AFF3: variants seen among roughly 807,000 people sequenced by gnomAD.
AFF3 encodes ALF transcription elongation factor 3.
A neutral mutation model predicts 129.7 loss-of-function variants in AFF3; 32 were observed. The ratio of observed to expected loss-of-function variants is 0.25; its 90% confidence interval spans 0.19 to 0.33. AFF3 has a LOEUF of 0.33. AFF3 is among the 10% of genes least tolerant of loss of function. The pLI, the probability that AFF3 is intolerant of heterozygous loss-of-function variation, is 1.00. For missense variants in AFF3, 1,373 were observed against 1,592.0 expected, an observed-to-expected ratio of 0.86 and a Z score of 2.34; for synonymous variants, 644 against 635.4, an observed-to-expected ratio of 1.01 and a Z score of -0.20.
chr2:99,884,770 C>T (rs1249266806), intron 7 of AFF3, among the ~76,000 whole-genome samples: 1 of 151,888 alleles, frequency 6.6e-6, no homozygotes, highest in Non-Finnish European at 1.5e-5. Context: ...TACCACTCAT[C>T]CAACAATTTT....
chr2:99,646,089 T>C (rs1684662762), intron 13 of AFF3, among the ~76,000 whole-genome samples: 1 of 152,196 alleles, frequency 6.6e-6, no homozygotes, highest in African/African-American at 2.4e-5. Context: ...AAAACTGGCT[T>C]CCTACAGTGT....
intron 8 of AFF3, among the ~76,000 whole-genome samples, chr2:99,831,553 G>A (rs1052478078): frequency 6.6e-6 from 1 of 152,146 alleles, no homozygotes; most frequent in African/African-American, 2.4e-5. Context: ...TAGATACTAT[G>A]ATTTGACATG....
rs752210848 is a variant in AFF3 at position 99,611,652 on chromosome 2, C to T, written c.1185-10031G>A. Among the ~76,000 whole-genome samples, 59 of 152,078 alleles carry T rather than the reference C, an allele frequency of 3.9e-4. No homozygotes were observed. The Middle Eastern group carries it at 0.017, about 44-fold the overall frequency. On this transcript the variant is annotated intron_variant, in intron 13 of 24. Transcript: ENST00000672756. ...TGTAATCCCAACACACTGGGGAGGC[C>T]GAGGCTGGTGGATCACTTGAGGTCA...
At chr2:99,731,704 T>C (rs1035524048) in intron 10 of AFF3, among the ~76,000 whole-genome samples, 4 of 152,178 alleles carry the variant, frequency 2.6e-5, no homozygotes, top group Admixed American at 2.6e-4. Flanking sequence ...ATTGTGACAA[T>C]ATAAATATTA....
chr2:99,892,662 C>T lies in AFF3; in HGVS notation c.874-55138G>A, dbSNP rs187881611. Among the ~76,000 whole-genome samples, 415 of 152,282 alleles carry T rather than the reference C, an allele frequency of 2.7e-3. 6 individuals are homozygous for T. Among genetic ancestry groups the T allele is most frequent in the South Asian group, 2.5e-3 (12 of 4,816 alleles). ...GCTCCTTCTACTCGCATTCCCTCCC[C>T]AGCAACACCTGCCCTGGACGGCAGT... On this transcript the variant is annotated intron_variant, in intron 7 of 24. Transcript: ENST00000672756.
At chr2:99,602,310 G>A (rs529669228) in intron 13 of AFF3, among the ~76,000 whole-genome samples, 4 of 152,200 alleles carry the variant, frequency 2.6e-5, no homozygotes, top group African/African-American at 9.6e-5. Context: ...ACACACTTTC[G>A]TATATTCCGG....
At chr2:100,000,336 A>C (rs535362769) in intron 7 of AFF3, among the ~76,000 whole-genome samples, 20 of 152,176 alleles carry the variant, frequency 1.3e-4, no homozygotes, top group Non-Finnish European at 2.6e-4. Context: ...AAAGAGAGAA[A>C]AGGTGATCTC....
intron 8 of AFF3, among the ~76,000 whole-genome samples, chr2:99,765,381 T>C (rs1221453268): frequency 6.6e-6 from 1 of 152,148 alleles, no homozygotes; most frequent in Non-Finnish European, 1.5e-5. Flanking sequence ...AATTTGGAAA[T>C]GTGCATTCAA....
At chr2:99,988,737 C>T (rs778056240) in intron 7 of AFF3, among the ~76,000 whole-genome samples, 6 of 152,088 alleles carry the variant, frequency 3.9e-5, no homozygotes, top group Non-Finnish European at 7.4e-5. Context: ...TGACATCCCT[C>T]GGCACTGGGT....
chr2:99,665,217 G>T (rs148129068), intron 12 of AFF3, among the ~76,000 whole-genome samples: 1 of 152,244 alleles, frequency 6.6e-6, no homozygotes, highest in Non-Finnish European at 1.5e-5. Flanking sequence ...TAAGATTTTA[G>T]ACCAAGGAAT....
chr2:99,841,226 A>G (rs1219317871), intron 7 of AFF3, among the ~76,000 whole-genome samples: 1 of 152,222 alleles, frequency 6.6e-6, no homozygotes, highest in Admixed American at 6.5e-5. Context: ...TTATAATCCT[A>G]TACATTTCAA....
At chr2:99,905,239 G>A (rs948978114) in intron 7 of AFF3, among the ~76,000 whole-genome samples, 4 of 152,310 alleles carry the variant, frequency 2.6e-5, no homozygotes, top group Admixed American at 6.5e-5. Context: ...TGGAGCCCAC[G>A]TCTTCACAGA....
intron 8 of AFF3, among the ~76,000 whole-genome samples, chr2:99,799,689 G>A (rs777825461): frequency 4.6e-5 from 7 of 151,938 alleles, no homozygotes; most frequent in Admixed American, 2.6e-4. Context: ...GAATAAAATC[G>A]AAAGATTATA....
At chr2:99,985,752 A>AGG (rs1679801791) in intron 7 of AFF3, among the ~76,000 whole-genome samples, 2 of 152,168 alleles carry the variant, frequency 1.3e-5, no homozygotes, top group African/African-American at 4.8e-5. Flanking sequence ...CATCACAAGG[A>AGG]GGGGGCACAG....
At chr2:99,648,917 A>ACACACACCCTCTCTCT in intron 13 of AFF3, among the ~76,000 whole-genome samples, 1 of 46,874 alleles carries the variant, frequency 2.1e-5, no homozygotes, top group South Asian at 1.2e-3. Context: ...ACACACACAC[A>ACACACACCCTCTCTCT]CTCTCTCTCT....
chr2:99,827,605 G>A (rs574415634), intron 8 of AFF3, among the ~76,000 whole-genome samples: 337 of 151,792 alleles, frequency 2.2e-3, no homozygotes, highest in Middle Eastern at 3.4e-3. Context: ...AGTCTAGTTA[G>A]GAAGGAAGAA....
chr2:99,572,301 C>CA (rs1448807855), intron 18 of AFF3, among the ~76,000 whole-genome samples: 2 of 125,366 alleles, frequency 1.6e-5, no homozygotes, highest in South Asian at 3.6e-4. Flanking sequence ...CCACCCCCCC[C>CA]CCCCCACCTA....
At chr2:100,011,961 C>T (rs575380116) in intron 4 of AFF3, among the ~76,000 whole-genome samples, 1 of 152,182 alleles carries the variant, frequency 6.6e-6, no homozygotes, top group East Asian at 1.9e-4. Context: ...CCTCATCCCC[C>T]AACCCCTTTA....
intron 7 of AFF3, among the ~76,000 whole-genome samples, chr2:99,921,658 A>G (rs1217246695): frequency 6.6e-6 from 1 of 152,152 alleles, no homozygotes; most frequent in East Asian, 1.9e-4. Context: ...GAGTTATTAG[A>G]ATGAAAGAGA....
Sources: allele counts gnomAD v4.1 joint callset (sites outside exome capture counted in the v4.1 genomes callset), GRCh38; gene constraint gnomAD v4.1.1; transcripts MANE v1.5; gene names NCBI Gene and HGNC (gene_info 2026-07-23, HGNC 2026-07-21).